PHACTR1: variants seen among roughly 807,000 people sequenced by gnomAD.
PHACTR1 encodes RPEL repeat containing 1.
Under a neutral mutation model 69.2 loss-of-function variants are expected in PHACTR1, and 16 were observed. The ratio of observed to expected loss-of-function variants is 0.23; its 90% CI spans 0.16 to 0.35. The LOEUF is 0.35. PHACTR1 is among the 10% of genes least tolerant of loss of function. The probability of loss-of-function intolerance (pLI) is 1.00; values close to 1 mark genes in which losing one functional copy is unlikely to be tolerated. For missense variants in PHACTR1, 510 were observed against 734.7 expected, an observed-to-expected ratio of 0.69 and a Z score of 3.54; for synonymous variants, 312 against 284.5, an observed-to-expected ratio of 1.10 and a Z score of -0.97.
chr6:12,801,899 T>C (rs1057368379), intron 4 of PHACTR1, among the ~76,000 whole-genome samples: 1 of 152,026 alleles, frequency 6.6e-6, no homozygotes, highest in Non-Finnish European at 1.5e-5. Flanking sequence ...AGGAATTAGG[T>C]TTCCGAGGAG....
At chr6:13,168,810 G>T (rs10948508) in intron 6 of PHACTR1, among the ~76,000 whole-genome samples, 53,700 of 151,802 alleles carry the variant, frequency 0.35, 9,974 homozygotes, top group African/African-American at 0.43. Flanking sequence ...GAAGAGAAGG[G>T]GTAAGAGTGC....
chr6:13,117,052 C>G (rs1817921758), intron 5 of PHACTR1, among the ~76,000 whole-genome samples: 1 of 152,188 alleles, frequency 6.6e-6, no homozygotes, highest in South Asian at 2.1e-4. Context: ...GTCACTCAGA[C>G]CCAGCCTTAA....
intron 4 of PHACTR1, among the ~76,000 whole-genome samples, chr6:12,904,155 A>G: frequency 6.6e-6 from 1 of 152,216 alleles, no homozygotes; most frequent in East Asian, 1.9e-4. Flanking sequence ...AATAACCAAA[A>G]CATACATATG....
At chr6:13,279,810 G>C (rs1006657311) in intron 12 of PHACTR1, 3 of 152,232 alleles carry the variant, frequency 2.0e-5, no homozygotes, top group African/African-American at 7.2e-5. Flanking sequence ...TCCTGAGCTT[G>C]AGTAGTGAGA....
chr6:13,244,909 TAA>T (rs1773383764), intron 10 of PHACTR1, among the ~76,000 whole-genome samples: 1 of 152,206 alleles, frequency 6.6e-6, no homozygotes, highest in Admixed American at 6.5e-5. Context: ...GGGGAAGTGA[TAA>T]GTGTCCATGA....
intron 5 of PHACTR1, among the ~76,000 whole-genome samples, chr6:13,089,652 G>A (rs553106996): frequency 6.6e-6 from 1 of 152,208 alleles, no homozygotes; most frequent in Non-Finnish European, 1.5e-5. Context: ...GACAGGGTCA[G>A]CGTTAGACAA....
intron 4 of PHACTR1, among the ~76,000 whole-genome samples, chr6:12,809,151 G>C (rs1337835863): frequency 6.6e-6 from 1 of 152,140 alleles, no homozygotes. Flanking sequence ...GCATCCCGAA[G>C]TGCTGATGTT....
At chr6:13,102,221 A>G (rs920024389) in intron 5 of PHACTR1, among the ~76,000 whole-genome samples, 1 of 152,210 alleles carries the variant, frequency 6.6e-6, no homozygotes, top group South Asian at 2.1e-4. Context: ...GGAAGGAACT[A>G]TTGATTGGGC....
At chr6:12,993,984 T>C (rs928248174) in intron 4 of PHACTR1, among the ~76,000 whole-genome samples, 2 of 151,926 alleles carry the variant, frequency 1.3e-5, no homozygotes, top group African/African-American at 2.4e-5. Context: ...AGAAATAAGA[T>C]ATAAATATAA....
intron 4 of PHACTR1, among the ~76,000 whole-genome samples, chr6:12,986,300 T>G (rs1172651766): frequency 1.3e-5 from 2 of 152,196 alleles, no homozygotes; most frequent in East Asian, 3.8e-4. Context: ...TCCCAGGACC[T>G]TGCACCGGTG....
At chr6:13,222,034 CAA>C (rs57083921) in intron 8 of PHACTR1, among the ~76,000 whole-genome samples, 5 of 129,264 alleles carry the variant, frequency 3.9e-5, no homozygotes, top group Admixed American at 1.6e-4. Context: ...GACTCCATCT[CAA>C]AAAAAAAAAA....
intron 10 of PHACTR1, among the ~76,000 whole-genome samples, chr6:13,260,527 A>G (rs1775769428): frequency 6.6e-6 from 1 of 152,178 alleles, no homozygotes; most frequent in Non-Finnish European, 1.5e-5. Context: ...TTAGCACTAA[A>G]ATACTAAGAA....
intron 4 of PHACTR1, among the ~76,000 whole-genome samples, chr6:13,003,504 C>T (rs1488573497): frequency 6.6e-6 from 1 of 151,740 alleles, no homozygotes; most frequent in African/African-American, 2.4e-5. Context: ...TAGATAGATC[C>T]TTCATCTTTA....
intron 4 of PHACTR1, among the ~76,000 whole-genome samples, chr6:12,808,824 T>G (rs1774669833): frequency 6.7e-6 from 1 of 149,428 alleles, no homozygotes; most frequent in African/African-American, 2.4e-5. Context: ...TCTTATCCCC[T>G]TCCCCCTCCC....
At chr6:13,013,036 A>G (rs1461313721) in intron 4 of PHACTR1, among the ~76,000 whole-genome samples, 1 of 152,158 alleles carries the variant, frequency 6.6e-6, no homozygotes, top group Non-Finnish European at 1.5e-5. Context: ...GCCCATCTCT[A>G]AAAACAATTT....
At chr6:13,025,715 G>GTC (rs1801609380) in intron 4 of PHACTR1, among the ~76,000 whole-genome samples, 1 of 151,540 alleles carries the variant, frequency 6.6e-6, no homozygotes. Context: ...GTGTGTCTGT[G>GTC]TGTATGGGTG....
rs114224189 is a variant in PHACTR1 at position 12,836,856 on chromosome 6, A to G, written c.250+87066A>G. On this transcript the variant is annotated intron_variant, in intron 4 of 14. Coordinates refer to ENST00000332995, the MANE Select transcript of PHACTR1 (RefSeq NM_030948.6). ...CCTACATGCCAGTAAAACTACTGACATCAGCTGGTTTAAAGGACCCCACCA... is the reference window on the plus strand; with the variant it reads ...CCTACATGCCAGTAAAACTACTGACGTCAGCTGGTTTAAAGGACCCCACCA... Among the ~76,000 whole-genome samples, 1,059 of 152,304 alleles carry G rather than the reference A, an allele frequency of 7.0e-3. 16 individuals carry two copies. The highest frequency in any genetic ancestry group is 0.024 in the African/African-American group (1,007 of 41,582).
intron 5 of PHACTR1, among the ~76,000 whole-genome samples, chr6:13,066,339 T>C (rs1808625794): frequency 6.6e-6 from 1 of 152,164 alleles, no homozygotes; most frequent in Non-Finnish European, 1.5e-5. Flanking sequence ...GCCAGCCAGA[T>C]ATTAATATAT....
At position 13,104,261 on chromosome 6, in the gene PHACTR1, A is replaced by G. The variant is rs181875940; in HGVS notation, c.415+50732A>G. On this transcript the variant is annotated intron_variant, in intron 5 of 14. Coordinates refer to ENST00000332995, the MANE Select transcript of PHACTR1 (RefSeq NM_030948.6). Reference sequence around the variant, plus strand: ...AACTTACCAGTCTTTCTCTTTCATAAAAATATTTCCTTCAGCACCATAGGA... The same window carrying G: ...AACTTACCAGTCTTTCTCTTTCATAGAAATATTTCCTTCAGCACCATAGGA... 4.6e-5 allele frequency among the ~76,000 whole-genome samples: 7 copies of G among 152,282 alleles called. No individual in the cohort carries two copies. The South Asian group carries it at 8.3e-4, about 18-fold the overall frequency.
Sources: gnomAD v4.1 joint callset for allele counts (sites outside exome capture counted in the v4.1 genomes callset) on GRCh38, gnomAD v4.1.1 for gene constraint, MANE v1.5 for transcripts, NCBI Gene and HGNC (gene_info 2026-07-23, HGNC 2026-07-21) for gene names.